FGF12: variants seen among roughly 807,000 people sequenced by gnomAD.
The protein encoded by FGF12 is fibroblast growth factor 12, also known as fibroblast growth factor 12B.
Under a neutral mutation model 23.6 loss-of-function variants are expected in FGF12, and 14 were observed. That is an observed-to-expected ratio of 0.59 (90% CI 0.39 to 0.93). FGF12 has a LOEUF of 0.93. FGF12 is among the 40% of genes least tolerant of loss of function. FGF12 has a pLI of 0.00. For synonymous variants in FGF12, 62 were observed against 77.3 expected, an observed-to-expected ratio of 0.80 and a Z score of 1.04; for missense variants, 175 against 217.8, an observed-to-expected ratio of 0.80 and a Z score of 1.24.
chr3:192,502,488 C>T (rs1394094838), intron 2 of FGF12, among the ~76,000 whole-genome samples: 1 of 152,220 alleles, frequency 6.6e-6, no homozygotes, highest in African/African-American at 2.4e-5. Flanking sequence ...TGTAATGCTA[C>T]TTGGGCCAGA....
chr3:192,379,493 G>A (rs1178859712), intron 2 of FGF12, among the ~76,000 whole-genome samples: 1 of 145,912 alleles, frequency 6.9e-6, no homozygotes, highest in Non-Finnish European at 1.5e-5. Flanking sequence ...AACAATAAAA[G>A]GAAAAAAATA....
chr3:192,687,660 C>T (rs1717794344), intron 2 of FGF12, among the ~76,000 whole-genome samples: 1 of 152,116 alleles, frequency 6.6e-6, no homozygotes, highest in Non-Finnish European at 1.5e-5. Flanking sequence ...AACCCTGCCC[C>T]TGTACCTGTG....
intron 2 of FGF12, among the ~76,000 whole-genome samples, chr3:192,574,475 C>T (rs888441113): frequency 2.6e-5 from 4 of 152,228 alleles, no homozygotes; most frequent in Non-Finnish European, 4.4e-5. Context: ...GAAAATAAAC[C>T]TCTGAATCTC....
Position 192,375,503 on chromosome 3 carries a change from C to T in FGF12, c.14-14965G>A, listed in dbSNP as rs1324612432. ...ATTACTAAGCTTTTATCAAATAATG[C>T]AAACGGCTAAAAACTCAAATCCACA... On this transcript the variant is annotated intron_variant, in intron 2 of 5. Transcript: ENST00000445105. Among the ~76,000 whole-genome samples, 4 of 152,076 alleles carry T rather than the reference C, an allele frequency of 2.6e-5. No individual in the cohort carries two copies. The East Asian group carries it at 5.8e-4, about 22-fold the overall frequency.
chr3:192,708,364 C>CA (rs1718552215), intron 2 of FGF12, among the ~76,000 whole-genome samples: 1 of 152,148 alleles, frequency 6.6e-6, no homozygotes, highest in Non-Finnish European at 1.5e-5. Context: ...ACATGTACAT[C>CA]ATCCCTGAGA....
chr3:192,412,675 TA>T (rs1167540090), intron 2 of FGF12, among the ~76,000 whole-genome samples: 8 of 152,218 alleles, frequency 5.3e-5, no homozygotes, highest in Non-Finnish European at 1.2e-4. Context: ...AGCTAAGACC[TA>T]AATATATGGA....
At chr3:192,466,265 T>A (rs1723009569) in intron 2 of FGF12, among the ~76,000 whole-genome samples, 1 of 152,206 alleles carries the variant, frequency 6.6e-6, no homozygotes, top group South Asian at 2.1e-4. Context: ...CAGGCAAGTC[T>A]CTTGTTGACT....
At position 192,408,508 on chromosome 3, in the gene FGF12, G is replaced by A. The variant is rs1721062127; in HGVS notation, c.14-47970C>T. 1 of 1,252,540 alleles carries A rather than the reference G, an allele frequency of 8.0e-7. No homozygotes were observed. Among genetic ancestry groups the A allele is most frequent in the East Asian group, 3.7e-5 (1 of 26,926 alleles). The allele number at this position is 1,252,540 out of a possible 1,614,324, so 77.6% of individuals were successfully genotyped here. On this transcript the variant is annotated intron_variant, in intron 2 of 5. Coordinates refer to ENST00000445105, the MANE Select transcript of FGF12 (RefSeq NM_004113.6). The surrounding 1 kb of genome is among the most constrained non-coding windows in gnomAD (Gnocchi z 7.3). Reference sequence around the variant, plus strand: ...AGGCCCTCTTGCGAAGTAGACGTTTGCACCCCAAACTTGCACCCCAAGGCG... The same window carrying A: ...AGGCCCTCTTGCGAAGTAGACGTTTACACCCCAAACTTGCACCCCAAGGCG...
chr3:192,489,251 T>G (rs1216979808), intron 2 of FGF12, among the ~76,000 whole-genome samples: 1 of 152,002 alleles, frequency 6.6e-6, no homozygotes, highest in Non-Finnish European at 1.5e-5. Context: ...ATAAAAAGAC[T>G]TAGTGAGTTT....
intron 4 of FGF12, among the ~76,000 whole-genome samples, chr3:192,271,425 G>C (rs553316492): frequency 6.6e-6 from 1 of 152,304 alleles, no homozygotes; most frequent in Non-Finnish European, 1.5e-5. Flanking sequence ...ACAGTAGCAA[G>C]GCTGAAACAT....
chr3:192,242,456 T>C (rs1018149104), intron 4 of FGF12, among the ~76,000 whole-genome samples: 2 of 152,020 alleles, frequency 1.3e-5, no homozygotes, highest in Non-Finnish European at 2.9e-5. Flanking sequence ...ACCAAATTGT[T>C]CCAGTTGAGA....
chr3:192,293,632 C>T (rs1172946706), intron 4 of FGF12, among the ~76,000 whole-genome samples: 1 of 152,068 alleles, frequency 6.6e-6, no homozygotes, highest in African/African-American at 2.4e-5. Context: ...CACTGACTGC[C>T]ATTTATAATT....
intron 2 of FGF12, among the ~76,000 whole-genome samples, chr3:192,571,088 A>G (rs1306658687): frequency 2.8e-5 from 4 of 144,044 alleles, no homozygotes; most frequent in Non-Finnish European, 6.3e-5. Context: ...TTGGGGGGAA[A>G]AAACAAACCT....
intron 2 of FGF12, among the ~76,000 whole-genome samples, chr3:192,596,025 G>A (rs954610103): frequency 4.6e-5 from 7 of 150,904 alleles, no homozygotes; most frequent in Non-Finnish European, 2.9e-5. Context: ...CCAGGGAGGC[G>A]GGGGTTGCAG....
chr3:192,666,528 A>G (rs1285650931), intron 2 of FGF12, among the ~76,000 whole-genome samples: 1 of 152,230 alleles, frequency 6.6e-6, no homozygotes, highest in Non-Finnish European at 1.5e-5. Context: ...CCACTATGAA[A>G]CACAGGGCTC....
rs907426639 is a variant in FGF12 at position 192,408,365 on chromosome 3, C to T, written c.14-47827G>A. ...CTAAAATTTGAGGAGGCTGCAGTAT[C>T]GAAAACCCGGCGCTCACAAGGTTAG... On this transcript the variant is annotated intron_variant, in intron 2 of 5. Coordinates refer to ENST00000445105, the MANE Select transcript of FGF12 (RefSeq NM_004113.6). This position sits in a 1 kb window ranked among gnomAD's most constrained non-coding sequence, Gnocchi z 7.3. The T allele has an allele frequency of 3.5e-6, 5 of 1,420,610 alleles. No homozygotes were observed. The highest frequency in any genetic ancestry group is 3.0e-5 in the South Asian group (2 of 65,900). The allele number at this position is 1,420,610 out of a possible 1,614,324, so 88.0% of individuals were successfully genotyped here.
rs1013284049 is a variant in FGF12, at chr3:192,150,701, C to T, written c.428-6574G>A. On this transcript the variant is annotated intron_variant, in intron 5 of 5. Transcript: ENST00000445105. Reference sequence around the variant, plus strand: ...TCTCTGTTTTGGTACCAGTACCATGCTGTTTTGGTTACTGTAGCCTTGTAG... The same window carrying T: ...TCTCTGTTTTGGTACCAGTACCATGTTGTTTTGGTTACTGTAGCCTTGTAG... 5.4e-5 allele frequency among the ~76,000 whole-genome samples: 8 copies of T among 149,310 alleles called. No individual in the cohort carries two copies. The South Asian group carries it at 6.5e-4, about 12-fold the overall frequency.
At chr3:192,700,521 A>G (rs1718256843) in intron 2 of FGF12, among the ~76,000 whole-genome samples, 1 of 152,206 alleles carries the variant, frequency 6.6e-6, no homozygotes, top group Non-Finnish European at 1.5e-5. Context: ...TGACCACCAT[A>G]TCTCCTTGTT....
chr3:192,210,084 A>T (rs1219657958), intron 4 of FGF12, among the ~76,000 whole-genome samples: 1 of 152,200 alleles, frequency 6.6e-6, no homozygotes, highest in Non-Finnish European at 1.5e-5. Flanking sequence ...TGAAACAATG[A>T]TTTTCAGATG....
Sources: allele counts gnomAD v4.1 joint callset (sites outside exome capture counted in the v4.1 genomes callset), GRCh38; gene constraint gnomAD v4.1.1; non-coding constraint Gnocchi (gnomAD v3.1); transcripts MANE v1.5; gene names NCBI Gene and HGNC (gene_info 2026-07-23, HGNC 2026-07-21).